ATXN1: variants seen among roughly 807,000 people sequenced by gnomAD.
The protein encoded by ATXN1 is ataxin 1, also known as ataxin-1.
A neutral mutation model predicts 56.4 loss-of-function variants in ATXN1; 8 were observed. That is an observed-to-expected ratio of 0.14 (90% CI 0.08 to 0.26). The LOEUF (loss-of-function observed/expected upper bound fraction) is 0.26. ATXN1 is among the 10% of genes least tolerant of loss of function. The pLI, the probability that ATXN1 is intolerant of heterozygous loss-of-function variation, is 1.00. For missense variants in ATXN1, 987 were observed against 1,106.5 expected (o/e 0.89, Z 1.53); for synonymous variants, 514 against 494.6 (o/e 1.04, Z -0.52).
At chr6:16,729,508 G>A (rs1150635) in intron 2 of ATXN1, among the ~76,000 whole-genome samples, 47,597 of 152,036 alleles carry the variant, frequency 0.31, 7,614 homozygotes, top group East Asian at 0.39. Flanking sequence ...GTATTCTTTC[G>A]TTCGAATTTT....
chr6:16,314,984 A>G (rs1760477468), intron 7 of ATXN1, among the ~76,000 whole-genome samples: 1 of 152,128 alleles, frequency 6.6e-6, no homozygotes, highest in African/African-American at 2.4e-5. Context: ...ACAAGTATAC[A>G]CCGAGCACCT....
rs961458918 is a variant in ATXN1, at chr6:16,490,560, C to T, written c.-298-4451G>A. 9.2e-5 allele frequency among the ~76,000 whole-genome samples: 14 copies of T among 152,354 alleles called. 1 individual carries two copies. The South Asian group carries it at 2.9e-3, about 32-fold the overall frequency. On this transcript the variant is annotated intron_variant, in intron 5 of 7. Coordinates refer to ENST00000436367, the MANE Select transcript of ATXN1 (RefSeq NM_001128164.2). ...AAGGTCAAGAATGGTTTCCTGCCTT[C>T]TAAATGCAGTGACCTTTGCTGAGTC...
rs139394947 is a variant in ATXN1 at position 16,711,940 on chromosome 6, T to C, written c.-615+41293A>G. On this transcript the variant is annotated intron_variant, in intron 2 of 7. Coordinates refer to ENST00000436367, the MANE Select transcript of ATXN1 (RefSeq NM_001128164.2). ...AATACAGATGATCTCAAAAATGATATGCTGAACAAAAGAAAGCAGATACGA... is the reference window on the plus strand; with the variant it reads ...AATACAGATGATCTCAAAAATGATACGCTGAACAAAAGAAAGCAGATACGA... Among the ~76,000 whole-genome samples the C allele has an allele frequency of 2.1e-4, 31 of 150,612 alleles. 1 individual carries two copies. Among genetic ancestry groups the C allele is most frequent in the Admixed American group, 2.7e-4 (4 of 15,054 alleles).
intron 4 of ATXN1, among the ~76,000 whole-genome samples, chr6:16,567,691 A>T (rs1217890751): frequency 1.3e-5 from 2 of 151,876 alleles, no homozygotes; most frequent in Non-Finnish European, 2.9e-5. Flanking sequence ...TTCCCTGAGA[A>T]GGCATATCTC....
chr6:16,476,289 G>C (rs1389101677), intron 6 of ATXN1, among the ~76,000 whole-genome samples: 1 of 152,146 alleles, frequency 6.6e-6, no homozygotes, highest in Non-Finnish European at 1.5e-5. Context: ...GAAAAGAAAA[G>C]AATATGAAGC....
At chr6:16,335,405 C>A (rs932063879) in intron 6 of ATXN1, among the ~76,000 whole-genome samples, 2 of 152,190 alleles carry the variant, frequency 1.3e-5, no homozygotes, top group African/African-American at 2.4e-5. Flanking sequence ...CCAACGCGCT[C>A]GGGTTTCCCT....
chr6:16,333,867 T>A (rs1180210905), intron 6 of ATXN1, among the ~76,000 whole-genome samples: 1 of 152,146 alleles, frequency 6.6e-6, no homozygotes, highest in Non-Finnish European at 1.5e-5. Flanking sequence ...GCACTTCATT[T>A]TGGCCAAGCA....
chr6:16,680,693 T>C (rs528175367), intron 2 of ATXN1, among the ~76,000 whole-genome samples: 8 of 152,182 alleles, frequency 5.3e-5, no homozygotes, highest in Admixed American at 6.5e-5. Context: ...TTCACTGTTA[T>C]ATACAAGGCA....
At chr6:16,508,584 T>C (rs986645778) in intron 5 of ATXN1, among the ~76,000 whole-genome samples, 3 of 152,202 alleles carry the variant, frequency 2.0e-5, no homozygotes, top group African/African-American at 4.8e-5. Context: ...CCTATTAGGA[T>C]GGCTACTATC....
intron 3 of ATXN1, among the ~76,000 whole-genome samples, chr6:16,638,633 A>C (rs1022402107): frequency 6.6e-6 from 1 of 152,156 alleles, no homozygotes; most frequent in Non-Finnish European, 1.5e-5. Flanking sequence ...GACCAAGATC[A>C]ACATATTTCA....
intron 6 of ATXN1, among the ~76,000 whole-genome samples, chr6:16,477,337 T>C (rs1760346208): frequency 6.6e-6 from 1 of 152,236 alleles, no homozygotes; most frequent in Non-Finnish European, 1.5e-5. Flanking sequence ...ACAGGGACTT[T>C]AAGATACAAT....
intron 6 of ATXN1, among the ~76,000 whole-genome samples, chr6:16,388,233 C>T (rs894762275): frequency 6.6e-6 from 1 of 152,212 alleles, no homozygotes; most frequent in African/African-American, 2.4e-5. Flanking sequence ...CTGTCAGCTG[C>T]AGGCCTGGGA....
chr6:16,750,968 CT>C (rs35690453), intron 2 of ATXN1, among the ~76,000 whole-genome samples: 11,396 of 135,676 alleles, frequency 0.084, 401 homozygotes, highest in African/African-American at 0.14. Context: ...TCTTTCCTCT[CT>C]TTTTTTTTTT....
chr6:16,536,517 G>A (rs1019913366), intron 4 of ATXN1, among the ~76,000 whole-genome samples: 4 of 152,094 alleles, frequency 2.6e-5, no homozygotes, highest in East Asian at 1.9e-4. Flanking sequence ...AAAGTCTCTC[G>A]TGAACAACTC....
chr6:16,519,853 G>A (rs901545721), intron 5 of ATXN1, among the ~76,000 whole-genome samples: 26 of 152,324 alleles, frequency 1.7e-4, no homozygotes, highest in Non-Finnish European at 3.4e-4. Context: ...GAGACAGGAG[G>A]CAAGTGTTAA....
chr6:16,710,586 A>T (rs1313347434), intron 2 of ATXN1, among the ~76,000 whole-genome samples: 1 of 152,050 alleles, frequency 6.6e-6, no homozygotes, highest in Non-Finnish European at 1.5e-5. Flanking sequence ...TTATTTTTGA[A>T]TTTTATTGTT....
At chr6:16,321,641 G>A (rs1581687324) in intron 7 of ATXN1, among the ~76,000 whole-genome samples, 1 of 152,322 alleles carries the variant, frequency 6.6e-6, no homozygotes, top group East Asian at 1.9e-4. Flanking sequence ...CGTCTGGAGC[G>A]TCAGCTGGGA....
chr6:16,322,216 C>A (rs948735292), intron 7 of ATXN1, among the ~76,000 whole-genome samples: 2 of 152,150 alleles, frequency 1.3e-5, no homozygotes, highest in Non-Finnish European at 2.9e-5. Context: ...CAGGGCAAGA[C>A]CCTGTCTCAA....
intron 6 of ATXN1, among the ~76,000 whole-genome samples, chr6:16,390,269 G>GT (rs1170719821): frequency 6.6e-6 from 1 of 152,100 alleles, no homozygotes; most frequent in East Asian, 1.9e-4. Context: ...GAATGCTGAT[G>GT]TTTTTTCATT....
Sources: allele counts gnomAD v4.1 joint callset (sites outside exome capture counted in the v4.1 genomes callset), GRCh38; gene constraint gnomAD v4.1.1; transcripts MANE v1.5; gene names NCBI Gene and HGNC (gene_info 2026-07-23, HGNC 2026-07-21).